The following GPR157 variants were observed in gnomAD, a reference collection of about 807,000 sequenced individuals.
The protein encoded by GPR157 is G protein-coupled receptor 157, also known as G-protein coupled receptor 157.
GPR157 carries 16 observed loss-of-function variants against 23.5 expected under a neutral mutation model. That is an observed-to-expected ratio of 0.68 (90% CI 0.46 to 1.04). The LOEUF (loss-of-function observed/expected upper bound fraction) is 1.04, where lower values mean the gene tolerates loss of function less well. Among genes scored for constraint, GPR157 ranks in the 50% least tolerant of loss-of-function variants. The pLI is 0.00. For synonymous variants in GPR157, 200 were observed against 221.5 expected (o/e 0.90, Z 0.86); for missense variants, 440 against 460.7 (o/e 0.96, Z 0.41).
At chr1:9,112,008 A>G (rs1165814234) in intron 1 of GPR157, among the ~76,000 whole-genome samples, 3 of 152,176 alleles carry the variant, frequency 2.0e-5, no homozygotes, top group Non-Finnish European at 2.9e-5. Context: ...ACATGTGTGT[A>G]CAGAGCACAG....
chr1:9,128,672 C>A lies in GPR157; in HGVS notation c.356G>T (p.Arg119Leu), dbSNP rs770667755. ...GACGACATGGAAGGCCCAAAGCAGGCGATCTGTGCGAGGCCCGCGCGCGGC... is the reference window on the plus strand; with the variant it reads ...GACGACATGGAAGGCCCAAAGCAGGAGATCTGTGCGAGGCCCGCGCGCGGC... ...VRAARGPRTD[R>L]LLWAFHVVSW... is the part of the protein sequence containing the mutation. The change falls in exon 1 of 4, where the codon CGC becomes CTC. Residue 119 changes from arginine (R) to leucine (L), a missense_variant. Physicochemically the swap from Arg to Leu is moderately radical, Grantham distance 102. Transcript: ENST00000377411. The surrounding 1 kb of genome is among the most constrained non-coding windows in gnomAD (Gnocchi z 6.3). 5.6e-6 allele frequency: 9 copies of A among 1,613,038 alleles called. No individual in the cohort carries two copies. Among genetic ancestry groups the A allele is most frequent in the Non-Finnish European group, 7.6e-6 (9 of 1,179,878 alleles).
chr1:9,128,166 C>T lies in GPR157; in HGVS notation c.383+479G>A. The T allele has an allele frequency of 2.3e-6, 1 of 425,826 alleles. No homozygotes were observed. The highest frequency in any genetic ancestry group is 1.8e-5 in the South Asian group (1 of 56,938). 26.4% of individuals were successfully genotyped at this position (425,826 alleles called of 1,614,324 possible). ...CTTTGTAAACTGTACAGCAGAGACA[C>T]GGCAGCTCGGGAGTGGCGGAGTGCA... On this transcript the variant is annotated intron_variant, in intron 1 of 3. Transcript: ENST00000377411. This position sits in a 1 kb window ranked among gnomAD's most constrained non-coding sequence, Gnocchi z 6.3.
intron 2 of GPR157, among the ~76,000 whole-genome samples, chr1:9,110,289 G>A (rs1357421372): frequency 3.9e-5 from 6 of 152,210 alleles, no homozygotes; most frequent in Non-Finnish European, 5.9e-5. Context: ...TTGGGAGTCC[G>A]AGGTGGGCGG....
Position 9,103,254 on chromosome 1 carries a change from C to T in GPR157, c.*1165G>A, listed in dbSNP as rs1642588560. On this transcript the variant is annotated 3_prime_UTR_variant, in exon 4 of 4. Transcript: ENST00000377411. ...TCTTGGCTCACCGCAACCTCCGCCT[C>T]CCAGGTTCAAGAGATTCTCCTGCCT... 6.6e-6 allele frequency: 1 copy of T among 152,268 alleles called. No individual in the cohort carries two copies. The allele number at this position is 152,268 out of a possible 1,614,324, so 9.4% of individuals were successfully genotyped here.
intron 2 of GPR157, among the ~76,000 whole-genome samples, chr1:9,106,004 C>T (rs1342121771): frequency 6.6e-6 from 1 of 152,150 alleles, no homozygotes; most frequent in African/African-American, 2.4e-5. Context: ...CCTTGGGGCT[C>T]TGTTTTGACC....
At chr1:9,119,384 C>T (rs1188609883) in intron 1 of GPR157, among the ~76,000 whole-genome samples, 7 of 152,094 alleles carry the variant, frequency 4.6e-5, no homozygotes, top group Non-Finnish European at 1.0e-4. Flanking sequence ...AAGTGATGAG[C>T]ACACAGATCT....
chr1:9,113,300 T>C (rs1183144850), intron 1 of GPR157, among the ~76,000 whole-genome samples: 1 of 152,174 alleles, frequency 6.6e-6, no homozygotes, highest in African/African-American at 2.4e-5. Flanking sequence ...ACAGGAATGA[T>C]ACTATGATAA....
At position 9,104,313 on chromosome 1, in the gene GPR157, C is replaced by T; in HGVS notation, c.*106G>A. The T allele has an allele frequency of 1.3e-6, 1 of 799,650 alleles. No homozygotes were observed. 49.5% of individuals were successfully genotyped at this position (799,650 alleles called of 1,614,324 possible). ...GAGCCGAGAGCATCAATAGCGGGGG[C>T]TTCTGGTGCAGCAGACATGCACTTC... is the stretch of plus-strand genomic sequence containing the variant. On this transcript the variant is annotated 3_prime_UTR_variant, in exon 4 of 4. Coordinates refer to ENST00000377411, the MANE Select transcript of GPR157 (RefSeq NM_024980.5).
At position 9,128,760 on chromosome 1, in the gene GPR157, T is replaced by G; in HGVS notation, c.268A>C (p.Asn90His). ...VLQGALSTFA[N>H]TSSFFWTVAI... ...ACGGTCCAGAAGAAGGAGCTGGTGT[T>G]GGCGAAGGTGGACAGCGCGCCCTGC... Residue 90 changes from asparagine to histidine, a missense_variant, in exon 1 of 4, where the codon AAC becomes CAC. Coordinates refer to ENST00000377411, the MANE Select transcript of GPR157 (RefSeq NM_024980.5). This position sits in a 1 kb window ranked among gnomAD's most constrained non-coding sequence, Gnocchi z 6.3. 2.5e-6 allele frequency: 4 copies of G among 1,612,610 alleles called. No homozygotes were observed. The highest frequency in any genetic ancestry group is 3.4e-6 in the Non-Finnish European group (4 of 1,179,452).
intron 1 of GPR157, among the ~76,000 whole-genome samples, chr1:9,123,125 C>T (rs1366155148): frequency 7.0e-6 from 1 of 143,504 alleles, no homozygotes; most frequent in Non-Finnish European, 1.5e-5. Context: ...ACCATTGTAC[C>T]CCAGCCTGGG....
At chr1:9,127,414 A>G (rs1638984688) in intron 1 of GPR157, among the ~76,000 whole-genome samples, 1 of 152,194 alleles carries the variant, frequency 6.6e-6, no homozygotes, top group Admixed American at 6.5e-5. Flanking sequence ...ACTCCTTCCA[A>G]GTACACACGA....
intron 2 of GPR157, among the ~76,000 whole-genome samples, chr1:9,110,810 G>C (rs1054638934): frequency 9.9e-5 from 15 of 152,224 alleles, no homozygotes; most frequent in African/African-American, 3.6e-4. Context: ...AGTTAGGTGA[G>C]TTATTTGCGT....
In GPR157 at chr1:9,120,069, T is replaced by A. The variant is rs547811237; in HGVS notation, c.383+8576A>T. ...GAACCTGTCCCCACCAGAGTCAGGG[T>A]GGGGGCACCTGCAGACAGGGAGACA... is the stretch of plus-strand genomic sequence containing the variant. On this transcript the variant is annotated intron_variant, in intron 1 of 3. Transcript: ENST00000377411. The surrounding 1 kb of genome is among the most constrained non-coding windows in gnomAD (Gnocchi z 4.1). Among the ~76,000 whole-genome samples the A allele has an allele frequency of 6.6e-6, 1 of 151,694 alleles. No individual in the cohort carries two copies. Among genetic ancestry groups the A allele is most frequent in the Admixed American group, 6.6e-5 (1 of 15,210 alleles).
intron 1 of GPR157, among the ~76,000 whole-genome samples, chr1:9,117,488 G>A (rs1174980961): frequency 2.0e-5 from 3 of 152,154 alleles, no homozygotes; most frequent in Non-Finnish European, 4.4e-5. Flanking sequence ...AGCTGGGCAC[G>A]GTGGCTCACG....
At position 9,128,087 on chromosome 1, in the gene GPR157, A is replaced by G. The variant is rs1037078492; in HGVS notation, c.383+558T>C. Reference sequence around the variant, plus strand: ...CAAGATCATCTAGAACAGAAATACAAGGGGCTGGGGCCTGAGGCTAGAAAC... The same window carrying G: ...CAAGATCATCTAGAACAGAAATACAGGGGGCTGGGGCCTGAGGCTAGAAAC... On this transcript the variant is annotated intron_variant, in intron 1 of 3. Transcript: ENST00000377411. This position sits in a 1 kb window ranked among gnomAD's most constrained non-coding sequence, Gnocchi z 6.3. Among the ~76,000 whole-genome samples the G allele has an allele frequency of 6.6e-6, 1 of 152,180 alleles. No individual in the cohort carries two copies. The highest frequency in any genetic ancestry group is 1.5e-5 in the Non-Finnish European group (1 of 68,024).
intron 1 of GPR157, among the ~76,000 whole-genome samples, chr1:9,113,997 AC>A (rs1316379151): frequency 4.2e-5 from 6 of 144,554 alleles, no homozygotes; most frequent in African/African-American, 1.0e-4. Context: ...ACACACACAC[AC>A]ACCACCCATA....
In GPR157 at chr1:9,128,808, C is replaced by A. The variant is rs1639025295; in HGVS notation, c.220G>T (p.Gly74Cys). 1.2e-6 allele frequency: 2 copies of A among 1,610,310 alleles called. No homozygotes were observed. The highest frequency in any genetic ancestry group is 2.2e-5 in the South Asian group (2 of 90,784). ...TGCAGCACGCAGTCCCACGACGGGC[C>A]CGCGAAGTTCTGCAGCACTCCGTAG... Reference protein sequence around the residue: ...YFYGVLQNFAGPSWDCVLQGA... With the variant: ...YFYGVLQNFACPSWDCVLQGA... The change falls in exon 1 of 4, where the codon GGC (glycine) becomes TGC (cysteine). Residue 74 changes from glycine to cysteine, a missense_variant. Gly to Cys is a radical substitution (Grantham distance 159). Coordinates refer to ENST00000377411, the MANE Select transcript of GPR157 (RefSeq NM_024980.5). The surrounding 1 kb of genome is among the most constrained non-coding windows in gnomAD (Gnocchi z 6.3).
Position 9,103,601 on chromosome 1 carries a change from G to C in GPR157, c.*818C>G, listed in dbSNP as rs1005348043. 6.6e-6 allele frequency: 1 copy of C among 152,268 alleles called. No homozygotes were observed. The highest frequency in any genetic ancestry group is 1.5e-5 in the Non-Finnish European group (1 of 68,058). 9.4% of individuals were successfully genotyped at this position (152,268 alleles called of 1,614,324 possible). On this transcript the variant is annotated 3_prime_UTR_variant, in exon 4 of 4. Transcript: ENST00000377411. Reference sequence around the variant, plus strand: ...AGAAGAGGAGGATTCTAAGAAAGGAGCTGGAGAGACAGTGGGGTCTTCGGG... The same window carrying C: ...AGAAGAGGAGGATTCTAAGAAAGGACCTGGAGAGACAGTGGGGTCTTCGGG...
In GPR157 at chr1:9,128,589, G is replaced by T; in HGVS notation, c.383+56C>A. ...ACGCGGCCTCTGGGAGGGCAAGACC[G>T]GGAGGGGTCGGCCTGTGTCGGGGGC... On this transcript the variant is annotated intron_variant, in intron 1 of 3. Coordinates refer to ENST00000377411, the MANE Select transcript of GPR157 (RefSeq NM_024980.5). This position sits in a 1 kb window ranked among gnomAD's most constrained non-coding sequence, Gnocchi z 6.3. The T allele has an allele frequency of 1.9e-6, 3 of 1,546,662 alleles. No homozygotes were observed. In the Admixed American group the frequency reaches 5.2e-5, roughly 27 times the overall value.
Sources: gnomAD v4.1 joint callset for allele counts (sites outside exome capture counted in the v4.1 genomes callset) on GRCh38, gnomAD v4.1.1 for gene constraint, Gnocchi (gnomAD v3.1) non-coding constraint, MANE v1.5 for transcripts, NCBI Gene and HGNC (gene_info 2026-07-23, HGNC 2026-07-21) for gene names.